Variants in KIF6 observed in about 807,000 individuals in gnomAD.
KIF6 encodes the protein kinesin family member 6, also known as kinesin-like protein KIF6.
A neutral mutation model predicts 112.7 loss-of-function variants in KIF6; 106 were observed. The observed-to-expected ratio is 0.94, with a 90% CI of 0.80 to 1.11. The LOEUF (loss-of-function observed/expected upper bound fraction) is 1.11. Among genes scored for constraint, KIF6 ranks in the 50% least tolerant of loss-of-function variants. The pLI, the probability that KIF6 is intolerant of heterozygous loss-of-function variation, is 0.00. For missense variants in KIF6, 929 were observed against 964.0 expected (o/e 0.96, Z 0.48); for synonymous variants, 339 against 339.9 (o/e 1.00, Z 0.03).
intron 3 of KIF6, among the ~76,000 whole-genome samples, chr6:39,652,957 C>T (rs1785562448): frequency 6.6e-6 from 1 of 152,138 alleles, no homozygotes. Context: ...TTGCTCTCCA[C>T]AGAAGTTAGT....
Position 39,378,183 on chromosome 6 carries a change from C to T in KIF6, c.1861+7439G>A, listed in dbSNP as rs114665423. Among the ~76,000 whole-genome samples the T allele has an allele frequency of 0.011, 1,655 of 151,886 alleles. 30 individuals carry two copies. The highest frequency in any genetic ancestry group is 0.038 in the African/African-American group (1,574 of 41,374). On this transcript the variant is annotated intron_variant, in intron 16 of 22. Transcript: ENST00000287152. This position sits in a 1 kb window ranked among gnomAD's most constrained non-coding sequence, Gnocchi z 5.0. ...CGTAAATGCAGAGAAACCCCCATCCCGCACACAAACACACAAACCACACAC... is the reference window on the plus strand; with the variant it reads ...CGTAAATGCAGAGAAACCCCCATCCTGCACACAAACACACAAACCACACAC...
At position 39,403,979 on chromosome 6, in the gene KIF6, C is replaced by A. The variant is rs145316359; in HGVS notation, c.1810+15969G>T. On this transcript the variant is annotated intron_variant, in intron 15 of 22. Coordinates refer to ENST00000287152, the MANE Select transcript of KIF6 (RefSeq NM_145027.6). ...GAAGTATCTGGTCAGGCCTTTTGCA[C>A]CCCCACCATTTTTAAAATAAATGAA... 2.0e-4 allele frequency among the ~76,000 whole-genome samples: 30 copies of A among 152,170 alleles called. No homozygotes were observed. The East Asian group carries it at 3.1e-3, about 16-fold the overall frequency.
intron 13 of KIF6, among the ~76,000 whole-genome samples, chr6:39,537,910 C>A (rs556720240): frequency 1.3e-5 from 2 of 152,150 alleles, no homozygotes; most frequent in African/African-American, 4.8e-5. Flanking sequence ...AGAAATAATG[C>A]CGCATACCTA....
intron 10 of KIF6, among the ~76,000 whole-genome samples, chr6:39,574,127 G>A (rs1370721454): frequency 2.0e-5 from 3 of 152,166 alleles, no homozygotes; most frequent in Middle Eastern, 3.4e-3. Flanking sequence ...TCATTCTATC[G>A]CCCAAACTCT....
rs1763014868 is a variant in KIF6 at position 39,337,172 on chromosome 6, C to CTTCTTTCTTTCTCTTTCTTTCTTTCT, written c.2429-625_2429-624insAGAAAGAAAGAAAGAGAAAGAAAGAA. The stretch of plus-strand genomic sequence containing the variant: ...TCTCTTTCTTTTCTTTCTTTCCTTC[C>CTTCTTTCTTTCTCTTTCTTTCTTTCT]TTCTTTCTTTCTTTCTTTCTTTCTT... On this transcript the variant is annotated intron_variant, in intron 22 of 22. Transcript: ENST00000287152. Among the ~76,000 whole-genome samples the CTTCTTTCTTTCTCTTTCTTTCTTTCT allele has an allele frequency of 1.0e-4, 6 of 59,504 alleles. 1 individual carries two copies. Among genetic ancestry groups the CTTCTTTCTTTCTCTTTCTTTCTTTCT allele is most frequent in the Non-Finnish European group, 1.8e-4 (6 of 33,956 alleles). 39.0% of individuals were successfully genotyped at this position (59,504 alleles called of 152,430 possible). A position where few individuals can be genotyped will look rare whatever the true frequency, so the allele number is the denominator to read the frequency against.
At chr6:39,501,572 A>G (rs1457028797) in intron 13 of KIF6, among the ~76,000 whole-genome samples, 2 of 152,204 alleles carry the variant, frequency 1.3e-5, no homozygotes, top group Non-Finnish European at 2.9e-5. Context: ...CAAAGACACT[A>G]AGAATCATGA....
At chr6:39,686,022 T>C (rs1232631417) in intron 3 of KIF6, among the ~76,000 whole-genome samples, 1 of 152,256 alleles carries the variant, frequency 6.6e-6, no homozygotes, top group Non-Finnish European at 1.5e-5. Context: ...AATTTTATTC[T>C]TTCATGATGA....
At chr6:39,699,315 C>T (rs192459415) in intron 3 of KIF6, among the ~76,000 whole-genome samples, 1 of 152,146 alleles carries the variant, frequency 6.6e-6, no homozygotes, top group Non-Finnish European at 1.5e-5. Flanking sequence ...GAATGGGCCT[C>T]ACTAAGAAGG....
chr6:39,469,728 G>A (rs1323208095), intron 13 of KIF6, among the ~76,000 whole-genome samples: 1 of 152,054 alleles, frequency 6.6e-6, no homozygotes, highest in Admixed American at 6.6e-5. Flanking sequence ...ATTTCATGAT[G>A]ATAAAAGCAT....
At chr6:39,567,221 A>G (rs1780337464) in intron 10 of KIF6, among the ~76,000 whole-genome samples, 1 of 152,238 alleles carries the variant, frequency 6.6e-6, no homozygotes, top group South Asian at 2.1e-4. Context: ...TGTTCAGTAC[A>G]TAACACGAAT....
intron 13 of KIF6, among the ~76,000 whole-genome samples, chr6:39,500,251 C>T (rs927440565): frequency 1.4e-4 from 22 of 152,108 alleles, no homozygotes; most frequent in African/African-American, 5.3e-4. Context: ...AGAATGGACA[C>T]AAAGAAACCA....
chr6:39,391,732 A>G (rs2150324534), intron 15 of KIF6, among the ~76,000 whole-genome samples: 1 of 152,364 alleles, frequency 6.6e-6, no homozygotes, highest in South Asian at 2.1e-4. Context: ...GTCAAGTTCA[A>G]TAGTTGGAAC....
chr6:39,639,114 AAT>A (rs1784776020), intron 4 of KIF6, among the ~76,000 whole-genome samples: 1 of 152,138 alleles, frequency 6.6e-6, no homozygotes, highest in East Asian at 1.9e-4. Flanking sequence ...TGAGGCACTC[AAT>A]AAATGATACA....
At chr6:39,607,834 T>C (rs1232988937) in intron 6 of KIF6, among the ~76,000 whole-genome samples, 1 of 152,230 alleles carries the variant, frequency 6.6e-6, no homozygotes, top group African/African-American at 2.4e-5. Context: ...GCTAATTATA[T>C]ATAACTAACA....
chr6:39,543,385 G>T (rs1350518486), intron 12 of KIF6, among the ~76,000 whole-genome samples: 1 of 151,814 alleles, frequency 6.6e-6, no homozygotes, highest in Non-Finnish European at 1.5e-5. Flanking sequence ...TGTGTGTGTG[G>T]GTGGGGGGGG....
rs757043014 is a variant in KIF6, at chr6:39,357,233, C to G, written c.2180+44G>C. 6 of 1,252,622 alleles carry G rather than the reference C, an allele frequency of 4.8e-6. No homozygotes were observed. In the East Asian group the frequency reaches 9.3e-5, roughly 19 times the overall value. The allele number at this position is 1,252,622 out of a possible 1,614,324, so 77.6% of individuals were successfully genotyped here. ...ATAGGTTAAACAGAAAGGTAGGGAG[C>G]CTTTTCTGGGAACTCTAACACCTCC... On this transcript the variant is annotated intron_variant, in intron 19 of 22. Transcript: ENST00000287152.
intron 13 of KIF6, among the ~76,000 whole-genome samples, chr6:39,489,975 T>C (rs1299638319): frequency 1.3e-5 from 2 of 152,216 alleles, no homozygotes; most frequent in South Asian, 2.1e-4. Context: ...CTTGGATATA[T>C]GTAAAAGCTC....
intron 19 of KIF6, among the ~76,000 whole-genome samples, chr6:39,348,259 A>G (rs947868249): frequency 6.6e-6 from 1 of 152,198 alleles, no homozygotes; most frequent in Non-Finnish European, 1.5e-5. Context: ...CTCAGGTTCC[A>G]GGGAGAGTTC....
At chr6:39,443,156 T>TAATAATAAATA (rs1554217804) in intron 13 of KIF6, among the ~76,000 whole-genome samples, 3 of 113,090 alleles carry the variant, frequency 2.7e-5, no homozygotes, top group African/African-American at 1.0e-4. Flanking sequence ...ATAATAATAA[T>TAATAATAAATA]AATAAATAAA....
Sources: gnomAD v4.1 joint callset for allele counts (sites outside exome capture counted in the v4.1 genomes callset) on GRCh38, gnomAD v4.1.1 for gene constraint, Gnocchi (gnomAD v3.1) non-coding constraint, MANE v1.5 for transcripts, NCBI Gene and HGNC (gene_info 2026-07-23, HGNC 2026-07-21) for gene names.